The following FARS2 variants were observed in gnomAD, a reference collection of about 807,000 sequenced individuals.
FARS2 encodes phenylalanine--tRNA ligase, mitochondrial.
Under a neutral mutation model 46.4 loss-of-function variants are expected in FARS2, and 40 were observed. The observed-to-expected ratio is 0.86, with a 90% confidence interval of 0.67 to 1.12. FARS2 has a LOEUF of 1.12. Ranked by LOEUF, FARS2 falls within the 50% of genes most tolerant of loss-of-function variation. The probability of loss-of-function intolerance (pLI) is 0.00; values close to 1 mark genes in which losing one functional copy is unlikely to be tolerated. For synonymous variants in FARS2, 234 were observed against 214.9 expected, an observed-to-expected ratio of 1.09 and a Z score of -0.78; for missense variants, 513 against 567.9, an observed-to-expected ratio of 0.90 and a Z score of 0.98.
chr6:5,344,752 A>G (rs944833413), intron 1 of FARS2, among the ~76,000 whole-genome samples: 43 of 150,658 alleles, frequency 2.9e-4, no homozygotes, highest in African/African-American at 1.0e-3. Context: ...CTTCTTCACT[A>G]TGTAACCACA....
At chr6:5,624,167 T>G (rs1775917415) in intron 6 of FARS2, among the ~76,000 whole-genome samples, 1 of 150,316 alleles carries the variant, frequency 6.7e-6, no homozygotes, top group Admixed American at 6.6e-5. Flanking sequence ...AAAGCAATTC[T>G]CACAAACTGT....
intron 2 of FARS2, among the ~76,000 whole-genome samples, chr6:5,374,287 C>T (rs753863695): frequency 2.0e-5 from 3 of 151,770 alleles, no homozygotes; most frequent in Non-Finnish European, 2.9e-5. Flanking sequence ...CACTGGGATC[C>T]GTCAGTCAGT....
intron 5 of FARS2, among the ~76,000 whole-genome samples, chr6:5,570,131 A>G (rs1772556734): frequency 6.6e-6 from 1 of 152,224 alleles, no homozygotes; most frequent in Admixed American, 6.5e-5. Flanking sequence ...CTGTTCTCCC[A>G]AATGTTTCTG....
At chr6:5,759,675 G>T (rs1438654107) in intron 6 of FARS2, among the ~76,000 whole-genome samples, 1 of 152,140 alleles carries the variant, frequency 6.6e-6, no homozygotes, top group Admixed American at 6.6e-5. Context: ...TGCCAAAAAC[G>T]GGTAGAGGAG....
intron 4 of FARS2, among the ~76,000 whole-genome samples, chr6:5,520,921 A>G (rs1769093940): frequency 6.6e-6 from 1 of 152,126 alleles, no homozygotes; most frequent in South Asian, 2.1e-4. Flanking sequence ...TGCTGAAATG[A>G]TGGATTTGGA....
chr6:5,430,941 A>G (rs992618255), intron 3 of FARS2, 100 bp from the exon 4 acceptor site: 2 of 1,143,894 alleles, frequency 1.7e-6, no homozygotes, highest in Admixed American at 2.1e-5. Flanking sequence ...TTTACTCAGA[A>G]TGTAGTAATT....
At chr6:5,350,478 A>G (rs1182362091) in intron 1 of FARS2, among the ~76,000 whole-genome samples, 1 of 152,214 alleles carries the variant, frequency 6.6e-6, no homozygotes, top group African/African-American at 2.4e-5. Context: ...GAAAGGTTAG[A>G]CACAGAGATC....
rs534192343 is a variant in FARS2, at chr6:5,614,006, G to A, written c.1217+686G>A. Among the ~76,000 whole-genome samples the A allele has an allele frequency of 3.3e-5, 5 of 152,250 alleles. No homozygotes were observed. The East Asian group carries it at 9.7e-4, about 29-fold the overall frequency. On this transcript the variant is annotated intron_variant, in intron 6 of 6. Coordinates refer to ENST00000274680, the MANE Select transcript of FARS2 (RefSeq NM_006567.5). ...GAGTCCTGGGGGGAAAAGGGCACAT[G>A]AGATGCAGAAGGCAGCCAAGAACAC...
At chr6:5,731,866 T>C (rs1267564036) in intron 6 of FARS2, among the ~76,000 whole-genome samples, 1 of 152,146 alleles carries the variant, frequency 6.6e-6, no homozygotes, top group Non-Finnish European at 1.5e-5. Flanking sequence ...CTCAGTGTCC[T>C]GATGTGGTTT....
intron 2 of FARS2, among the ~76,000 whole-genome samples, chr6:5,399,172 A>G (rs1403272913): frequency 1.0e-5 from 1 of 98,690 alleles, no homozygotes; most frequent in East Asian, 4.9e-4. Flanking sequence ...TATTATTATT[A>G]TTATCATCAT....
intron 1 of FARS2, among the ~76,000 whole-genome samples, chr6:5,312,305 C>T (rs1038198247): frequency 2.6e-5 from 4 of 152,170 alleles, no homozygotes; most frequent in Non-Finnish European, 5.9e-5. Context: ...CTATAAGTCT[C>T]ATAGCTTATG....
At chr6:5,579,700 C>T in intron 5 of FARS2, among the ~76,000 whole-genome samples, 1 of 152,174 alleles carries the variant, frequency 6.6e-6, no homozygotes, top group Non-Finnish European at 1.5e-5. Flanking sequence ...ATGTGTGTGC[C>T]TCACAGTCCC....
At chr6:5,637,198 C>A (rs924779923) in intron 6 of FARS2, among the ~76,000 whole-genome samples, 1 of 152,306 alleles carries the variant, frequency 6.6e-6, no homozygotes, top group African/African-American at 2.4e-5. Context: ...CCAAGTCAGA[C>A]GAGGCTCTCC....
intron 6 of FARS2, among the ~76,000 whole-genome samples, chr6:5,628,840 T>A (rs1005520449): frequency 6.6e-6 from 1 of 152,162 alleles, no homozygotes; most frequent in Non-Finnish European, 1.5e-5. Context: ...TCCTGTTGTT[T>A]AAGCTGGTTT....
intron 6 of FARS2, among the ~76,000 whole-genome samples, chr6:5,724,709 C>T (rs964992155): frequency 1.3e-5 from 2 of 152,344 alleles, no homozygotes; most frequent in East Asian, 3.9e-4. Context: ...ACTCACCTCC[C>T]CTCAGCCTCT....
intron 2 of FARS2, among the ~76,000 whole-genome samples, chr6:5,389,516 G>C (rs1760351429): frequency 6.6e-6 from 1 of 152,134 alleles, no homozygotes; most frequent in South Asian, 2.1e-4. Flanking sequence ...CACTGCTCAA[G>C]TCACTTGTAC....
intron 6 of FARS2, among the ~76,000 whole-genome samples, chr6:5,747,072 T>C (rs1582873144): frequency 6.6e-6 from 1 of 151,818 alleles, no homozygotes; most frequent in Non-Finnish European, 1.5e-5. Flanking sequence ...TTGCAAAGGG[T>C]ATGGCGGCAT....
At chr6:5,518,742 A>AT (rs1000279696) in intron 4 of FARS2, among the ~76,000 whole-genome samples, 2 of 152,100 alleles carry the variant, frequency 1.3e-5, no homozygotes, top group Non-Finnish European at 2.9e-5. Context: ...CAAGAAATAC[A>AT]TTTTTTTCAT....
At chr6:5,397,026 C>T (rs912221203) in intron 2 of FARS2, among the ~76,000 whole-genome samples, 2 of 152,012 alleles carry the variant, frequency 1.3e-5, no homozygotes, top group African/African-American at 2.4e-5. Flanking sequence ...AATTCCTTGG[C>T]GCAAAGTATA....
Sources: gnomAD v4.1 joint callset for allele counts (sites outside exome capture counted in the v4.1 genomes callset) on GRCh38, gnomAD v4.1.1 for gene constraint, MANE v1.5 for transcripts, NCBI Gene and HGNC (gene_info 2026-07-23, HGNC 2026-07-21) for gene names.